Variants in CNTNAP5 observed in about 807,000 individuals in gnomAD.
CNTNAP5 encodes contactin-associated protein-like 5.
In CNTNAP5, 72 loss-of-function variants were observed where a neutral mutation model predicts 150.2. The observed-to-expected ratio is 0.48, with a 90% CI of 0.40 to 0.58. CNTNAP5 has a LOEUF of 0.58. Among genes scored for constraint, CNTNAP5 ranks in the 20% least tolerant of loss-of-function variants. The pLI is 0.00. For missense variants in CNTNAP5, 1,636 were observed against 1,626.2 expected, an observed-to-expected ratio of 1.01 and a Z score of -0.10; for synonymous variants, 672 against 619.8, an observed-to-expected ratio of 1.08 and a Z score of -1.25.
chr2:124,521,284 A>G (rs897527916), intron 8 of CNTNAP5, among the ~76,000 whole-genome samples: 1 of 152,224 alleles, frequency 6.6e-6, no homozygotes, highest in African/African-American at 2.4e-5. Context: ...TTGTTCTAAT[A>G]ATTTTCCTCC....
rs190650261 is a variant in CNTNAP5, at chr2:124,235,569, C to T, written c.188-6631C>T. Among the ~76,000 whole-genome samples, 20 of 152,300 alleles carry T rather than the reference C, an allele frequency of 1.3e-4. No homozygotes were observed. In the East Asian group the frequency reaches 3.7e-3, roughly 28 times the overall value. On this transcript the variant is annotated intron_variant, in intron 2 of 23. Coordinates refer to ENST00000682447, the MANE Select transcript of CNTNAP5 (RefSeq NM_001367498.1). ...TCCTATCCCACTGGGATGAAACTCA[C>T]TCACAGGGATGATGTCCTGATGATG...
At chr2:124,785,665 A>G (rs898176806) in intron 17 of CNTNAP5, among the ~76,000 whole-genome samples, 3 of 152,212 alleles carry the variant, frequency 2.0e-5, no homozygotes, top group African/African-American at 7.2e-5. Context: ...AAGTCAGTGC[A>G]GGAAGTGTGG....
intron 19 of CNTNAP5, among the ~76,000 whole-genome samples, chr2:124,811,963 T>TA (rs1281479570): frequency 6.2e-5 from 7 of 112,988 alleles, no homozygotes; most frequent in Non-Finnish European, 1.0e-4. Flanking sequence ...TATATATATA[T>TA]TTTTTATAAT....
chr2:124,349,532 T>G (rs1239051361), intron 3 of CNTNAP5, among the ~76,000 whole-genome samples: 2 of 152,194 alleles, frequency 1.3e-5, no homozygotes, highest in East Asian at 1.9e-4. Flanking sequence ...TCCAGTGCTT[T>G]CTTTTACATT....
chr2:124,122,199 C>T (rs1683579702), intron 1 of CNTNAP5, among the ~76,000 whole-genome samples: 1 of 152,150 alleles, frequency 6.6e-6, no homozygotes, highest in African/African-American at 2.4e-5. Flanking sequence ...TGCCAGAACC[C>T]TATCCAGCTA....
intron 21 of CNTNAP5, among the ~76,000 whole-genome samples, chr2:124,870,080 C>T (rs1356063144): frequency 1.3e-5 from 2 of 151,508 alleles, no homozygotes; most frequent in African/African-American, 4.8e-5. Context: ...TGAGTGCATA[C>T]ATTAAGGATT....
intron 7 of CNTNAP5, among the ~76,000 whole-genome samples, chr2:124,492,605 C>G (rs1694056315): frequency 6.6e-6 from 1 of 152,038 alleles, no homozygotes; most frequent in Admixed American, 6.6e-5. Flanking sequence ...TATTCTACTT[C>G]TATGAAGACT....
chr2:124,370,343 AG>A (rs1690493250), intron 3 of CNTNAP5, among the ~76,000 whole-genome samples: 1 of 152,092 alleles, frequency 6.6e-6, no homozygotes, highest in South Asian at 2.1e-4. Context: ...GAGGGCTTCC[AG>A]GTAGGTTGTG....
At chr2:124,484,099 C>A (rs1032200496) in intron 7 of CNTNAP5, among the ~76,000 whole-genome samples, 9 of 152,230 alleles carry the variant, frequency 5.9e-5, no homozygotes. Context: ...ACAGCCACTG[C>A]ACCAGGTGGC....
chr2:124,272,596 G>C (rs1687787006), intron 3 of CNTNAP5, among the ~76,000 whole-genome samples: 1 of 152,142 alleles, frequency 6.6e-6, no homozygotes, highest in Non-Finnish European at 1.5e-5. Context: ...CACAGAAGAG[G>C]AAGAAGGAGT....
At chr2:124,849,116 G>C (rs1340983711) in intron 19 of CNTNAP5, among the ~76,000 whole-genome samples, 2 of 151,944 alleles carry the variant, frequency 1.3e-5, no homozygotes, top group Non-Finnish European at 2.9e-5. Flanking sequence ...GAGTTTTATG[G>C]TTTCAGATCT....
At chr2:124,282,142 G>A (rs1688030292) in intron 3 of CNTNAP5, among the ~76,000 whole-genome samples, 1 of 152,050 alleles carries the variant, frequency 6.6e-6, no homozygotes, top group African/African-American at 2.4e-5. Context: ...ACCCAAAAAG[G>A]GCAAAGCATT....
chr2:124,317,167 A>G (rs1457142872), intron 3 of CNTNAP5, among the ~76,000 whole-genome samples: 2 of 152,164 alleles, frequency 1.3e-5, no homozygotes, highest in South Asian at 2.1e-4. Context: ...AAAACCTCAC[A>G]TGACTTCAGG....
At chr2:124,447,390 G>C (rs867826650) in intron 6 of CNTNAP5, among the ~76,000 whole-genome samples, 1 of 152,134 alleles carries the variant, frequency 6.6e-6, no homozygotes, top group Non-Finnish European at 1.5e-5. Context: ...GACTAATACC[G>C]TGGCGAGCTG....
At chr2:124,877,879 T>C (rs1677891547) in intron 21 of CNTNAP5, among the ~76,000 whole-genome samples, 1 of 152,134 alleles carries the variant, frequency 6.6e-6, no homozygotes, top group Non-Finnish European at 1.5e-5. Flanking sequence ...AATATCTTTC[T>C]GTATGCTAAA....
intron 1 of CNTNAP5, among the ~76,000 whole-genome samples, chr2:124,035,064 C>T (rs1681177275): frequency 7.6e-6 from 1 of 131,134 alleles, no homozygotes; most frequent in South Asian, 2.6e-4. Flanking sequence ...ATGCCTAGTG[C>T]CCATCCATTT....
chr2:124,517,953 G>A (rs1694766094), intron 8 of CNTNAP5, among the ~76,000 whole-genome samples: 1 of 151,824 alleles, frequency 6.6e-6, no homozygotes. Flanking sequence ...TGTTTATAAT[G>A]GAAGGTTGTG....
At position 124,284,734 on chromosome 2, in the gene CNTNAP5, A is replaced by G. The variant is rs115963903; in HGVS notation, c.381+42341A>G. Among the ~76,000 whole-genome samples the G allele has an allele frequency of 2.8e-3, 427 of 152,300 alleles. 4 individuals carry two copies. The highest frequency in any genetic ancestry group is 9.5e-3 in the African/African-American group (397 of 41,576). On this transcript the variant is annotated intron_variant, in intron 3 of 23. Transcript: ENST00000682447. Reference sequence around the variant, plus strand: ...CTAAACTCACAGCATTCAGTGATGTACTGGAAAAGAATGAATGTTTGAAAC... The same window carrying G: ...CTAAACTCACAGCATTCAGTGATGTGCTGGAAAAGAATGAATGTTTGAAAC...
At chr2:124,597,727 C>A (rs1417994295) in intron 11 of CNTNAP5, among the ~76,000 whole-genome samples, 1 of 151,934 alleles carries the variant, frequency 6.6e-6, no homozygotes, top group Non-Finnish European at 1.5e-5. Context: ...TGGATAATAT[C>A]CTGCAGAGTG....
Sources: gnomAD v4.1 joint callset for allele counts (sites outside exome capture counted in the v4.1 genomes callset) on GRCh38, gnomAD v4.1.1 for gene constraint, MANE v1.5 for transcripts, NCBI Gene and HGNC (gene_info 2026-07-23, HGNC 2026-07-21) for gene names.